NDUFAF2: variants seen among roughly 807,000 people sequenced by gnomAD.
NDUFAF2 encodes the protein NADH dehydrogenase [ubiquinone] 1 alpha subcomplex assembly factor 2.
NDUFAF2 carries 13 observed loss-of-function variants against 22.8 expected under a neutral mutation model. The ratio of observed to expected loss-of-function variants is 0.57; its 90% CI spans 0.37 to 0.91. The LOEUF is 0.91. NDUFAF2 is among the 40% of genes least tolerant of loss of function. NDUFAF2 has a pLI of 0.01. For missense variants in NDUFAF2, 162 were observed against 195.2 expected, an observed-to-expected ratio of 0.83 and a Z score of 1.01; for synonymous variants, 53 against 64.2, an observed-to-expected ratio of 0.83 and a Z score of 0.84.
intron 2 of NDUFAF2, among the ~76,000 whole-genome samples, chr5:61,086,753 T>G (rs1752509517): frequency 6.6e-6 from 1 of 151,912 alleles, no homozygotes; most frequent in Admixed American, 6.6e-5. Context: ...AAACACAAAC[T>G]TAAAAAAAAT....
At chr5:61,056,763 C>T (rs1752096779) in intron 1 of NDUFAF2, among the ~76,000 whole-genome samples, 1 of 150,574 alleles carries the variant, frequency 6.6e-6, no homozygotes, top group Non-Finnish European at 1.5e-5. Context: ...TGGCGCGTGC[C>T]TGTAATCCCC....
chr5:61,129,277 G>T (rs935880411), intron 3 of NDUFAF2, among the ~76,000 whole-genome samples: 1 of 152,114 alleles, frequency 6.6e-6, no homozygotes, highest in African/African-American at 2.4e-5. Flanking sequence ...ATTTGACCCA[G>T]CCATCCCATT....
chr5:61,029,033 C>G (rs951229233), intron 1 of NDUFAF2, among the ~76,000 whole-genome samples: 5 of 151,874 alleles, frequency 3.3e-5, no homozygotes, highest in Non-Finnish European at 7.4e-5. Flanking sequence ...GACCACTTTT[C>G]AGCAATCTTA....
chr5:61,071,405 T>C (rs1164474908), intron 1 of NDUFAF2, among the ~76,000 whole-genome samples: 1 of 152,208 alleles, frequency 6.6e-6, no homozygotes, highest in Non-Finnish European at 1.5e-5. Context: ...CTCCCAGCCT[T>C]TCACTTAATA....
chr5:61,134,308 G>T (rs545259367), intron 3 of NDUFAF2, among the ~76,000 whole-genome samples: 9 of 152,272 alleles, frequency 5.9e-5, no homozygotes, highest in African/African-American at 1.9e-4. Context: ...GAGTAGAAGA[G>T]CAAGGATGGA....
In NDUFAF2 at chr5:60,945,334, C is replaced by T. The variant is rs1554076318; in HGVS notation, c.79C>T (p.Gln27Ter). 6.2e-7 allele frequency: 1 copy of T among 1,614,118 alleles called. No individual in the cohort carries two copies. The highest frequency in any genetic ancestry group is 1.1e-5 in the South Asian group (1 of 91,070). The stretch of plus-strand genomic sequence containing the variant: ...AGTGAAGGAGCACGTGGGCACGGAC[C>T]AATTCGGGAACAAATACTACTACAT... ...REVKEHVGTD[Q>*]FGNKYYYIPQ... Residue 27 changes from glutamine (Q) to a stop codon, truncating the protein, a stop_gained, in exon 1 of 4, where the codon CAA becomes TAA. Transcript: ENST00000296597. LOFTEE classifies it high-confidence loss of function.
chr5:60,945,577 C>T (rs1165423158), intron 1 of NDUFAF2, 195 bp downstream of exon 1: 1 of 835,864 alleles, frequency 1.2e-6, no homozygotes, highest in East Asian at 2.7e-5. Context: ...CGGCTCTGGG[C>T]GCCTTGGCCC....
chr5:61,039,258 A>G lies in NDUFAF2; in HGVS notation c.128-33867A>G, dbSNP rs186104071. Reference sequence around the variant, plus strand: ...ACTCGCATTATTTAAGTTACTGTTGAAAAAAAGAGATGGGAAGAGACTATA... The same window carrying G: ...ACTCGCATTATTTAAGTTACTGTTGGAAAAAAGAGATGGGAAGAGACTATA... On this transcript the variant is annotated intron_variant, in intron 1 of 3. Coordinates refer to ENST00000296597, the MANE Select transcript of NDUFAF2 (RefSeq NM_174889.5). Among the ~76,000 whole-genome samples, 259 of 152,028 alleles carry G rather than the reference A, an allele frequency of 1.7e-3. 2 individuals are homozygous for G. The highest frequency in any genetic ancestry group is 6.1e-3 in the African/African-American group (251 of 41,480).
At position 61,004,168 on chromosome 5, in the gene NDUFAF2, C is replaced by G. The variant is rs569980271; in HGVS notation, c.127+58786C>G. On this transcript the variant is annotated intron_variant, in intron 1 of 3. Coordinates refer to ENST00000296597, the MANE Select transcript of NDUFAF2 (RefSeq NM_174889.5). ...TTTATTTATCCTATGTGGCTGTGTT[C>G]ACTAAGTTTTCTGTCTTATTTGTTT... Among the ~76,000 whole-genome samples, 5 of 152,134 alleles carry G rather than the reference C, an allele frequency of 3.3e-5. No individual in the cohort carries two copies. The South Asian group carries it at 1.0e-3, about 32-fold the overall frequency.
chr5:61,032,938 G>T (rs1455601483), intron 1 of NDUFAF2, among the ~76,000 whole-genome samples: 1 of 152,074 alleles, frequency 6.6e-6, no homozygotes, highest in Non-Finnish European at 1.5e-5. Context: ...CAGTGTAAAA[G>T]CATTCCTCTT....
In NDUFAF2 at chr5:60,967,067, C is replaced by T. The variant is rs373238012; in HGVS notation, c.127+21685C>T. Among the ~76,000 whole-genome samples the T allele has an allele frequency of 1.6e-3, 242 of 151,836 alleles. 1 individual carries two copies. Among genetic ancestry groups the T allele is most frequent in the African/African-American group, 5.6e-3 (233 of 41,462 alleles). On this transcript the variant is annotated intron_variant, in intron 1 of 3. Transcript: ENST00000296597. ...GTGTATGGATTTTTCACCTCCTTGG[C>T]GAAATTTATTCCTAAATATTGTATT...
intron 1 of NDUFAF2, among the ~76,000 whole-genome samples, chr5:60,992,141 T>C (rs1751166785): frequency 6.6e-6 from 1 of 152,222 alleles, no homozygotes; most frequent in African/African-American, 2.4e-5. Context: ...TTGATCTAAT[T>C]ATTGGATTTT....
intron 1 of NDUFAF2, among the ~76,000 whole-genome samples, chr5:61,053,155 G>A (rs1203347628): frequency 2.0e-5 from 3 of 152,198 alleles, no homozygotes; most frequent in Non-Finnish European, 4.4e-5. Flanking sequence ...TGACTGAGTA[G>A]CCATCAGCCT....
intron 3 of NDUFAF2, among the ~76,000 whole-genome samples, chr5:61,136,005 T>TATATATATATATA (rs1411594766): frequency 1.0e-5 from 1 of 96,052 alleles, no homozygotes; most frequent in African/African-American, 5.5e-5. Flanking sequence ...AAGCCTGTCT[T>TATATATATATATA]TATATATATA....
intron 1 of NDUFAF2, among the ~76,000 whole-genome samples, chr5:60,978,663 G>A (rs565189537): frequency 3.9e-5 from 6 of 152,218 alleles, no homozygotes; most frequent in Non-Finnish European, 7.4e-5. Context: ...TCCAACATTG[G>A]GGATTACAAT....
At chr5:61,014,310 G>A (rs1208165586) in intron 1 of NDUFAF2, among the ~76,000 whole-genome samples, 2 of 152,192 alleles carry the variant, frequency 1.3e-5, no homozygotes. Context: ...CCACAAGTTG[G>A]TGAACACATC....
At chr5:60,972,956 C>T (rs566912536) in intron 1 of NDUFAF2, among the ~76,000 whole-genome samples, 2 of 151,846 alleles carry the variant, frequency 1.3e-5, no homozygotes, top group East Asian at 3.9e-4. Context: ...CTTTAATTCT[C>T]ACCCATTTTT....
chr5:61,152,057 T>G (rs1057451480), intron 3 of NDUFAF2, among the ~76,000 whole-genome samples: 2 of 152,200 alleles, frequency 1.3e-5, no homozygotes, highest in African/African-American at 4.8e-5. Flanking sequence ...CTAGATAGAA[T>G]TCTGAGGAAC....
chr5:61,052,563 G>A (rs1289027697), intron 1 of NDUFAF2, among the ~76,000 whole-genome samples: 1 of 152,142 alleles, frequency 6.6e-6, no homozygotes, highest in Admixed American at 6.5e-5. Context: ...GCCCGCCTCG[G>A]CCTCCCAAAG....
Sources: gnomAD v4.1 joint callset for allele counts (sites outside exome capture counted in the v4.1 genomes callset) on GRCh38, gnomAD v4.1.1 for gene constraint, MANE v1.5 for transcripts, NCBI Gene and HGNC (gene_info 2026-07-23, HGNC 2026-07-21) for gene names.